GPC5: variants seen among roughly 807,000 people sequenced by gnomAD.
GPC5 encodes the protein glypican-5.
GPC5 carries 47 observed loss-of-function variants against 53.9 expected under a neutral mutation model. The ratio of observed to expected loss-of-function variants is 0.87; its 90% confidence interval spans 0.69 to 1.11. GPC5 has a LOEUF of 1.11. Among genes scored for constraint, GPC5 ranks in the 50% most tolerant of loss-of-function variants. The pLI is 0.00. For missense variants in GPC5, 748 were observed against 713.1 expected (o/e 1.05, Z -0.56); for synonymous variants, 286 against 263.3 (o/e 1.09, Z -0.84).
intron 4 of GPC5, among the ~76,000 whole-genome samples, chr13:91,735,252 AT>A (rs1257337368): frequency 6.6e-6 from 1 of 151,166 alleles, no homozygotes; most frequent in African/African-American, 2.5e-5. Context: ...CATAGGGAAT[AT>A]ATCTGTATAT....
At chr13:91,972,169 A>G (rs530537754) in intron 6 of GPC5, among the ~76,000 whole-genome samples, 4 of 152,256 alleles carry the variant, frequency 2.6e-5, no homozygotes, top group African/African-American at 9.6e-5. Context: ...GTGCATATAT[A>G]TTTAGGATAG....
intron 5 of GPC5, among the ~76,000 whole-genome samples, chr13:91,844,246 A>C (rs1056901338): frequency 6.6e-6 from 1 of 152,200 alleles, no homozygotes; most frequent in Admixed American, 6.5e-5. Context: ...AAATTACATA[A>C]AGTCGAAGAA....
intron 2 of GPC5, among the ~76,000 whole-genome samples, chr13:91,652,454 C>T (rs1328393193): frequency 6.6e-6 from 1 of 152,076 alleles, no homozygotes; most frequent in African/African-American, 2.4e-5. Context: ...CATTACTACT[C>T]TTTCACTTTG....
chr13:91,594,982 TTACATTTATTTA>T (rs1353957407), intron 2 of GPC5, among the ~76,000 whole-genome samples: 2 of 148,128 alleles, frequency 1.4e-5, no homozygotes, highest in Non-Finnish European at 3.0e-5. Flanking sequence ...ATTTTTTTAT[TTACATTTATTTA>T]TTTATTTATT....
At chr13:92,358,290 C>A (rs2043538947) in intron 7 of GPC5, among the ~76,000 whole-genome samples, 1 of 151,596 alleles carries the variant, frequency 6.6e-6, no homozygotes, top group African/African-American at 2.4e-5. Context: ...GGGGTGGGCT[C>A]CCAAGTTTTT....
chr13:91,597,185 C>T (rs1470187132), intron 2 of GPC5, among the ~76,000 whole-genome samples: 2 of 152,112 alleles, frequency 1.3e-5, no homozygotes, highest in Non-Finnish European at 2.9e-5. Context: ...CATTGGTTCC[C>T]ATATTTTGTT....
chr13:92,056,244 T>A (rs944872345), intron 6 of GPC5, among the ~76,000 whole-genome samples: 8 of 152,156 alleles, frequency 5.3e-5, no homozygotes, highest in Non-Finnish European at 1.5e-5. Context: ...CCTGACCTCA[T>A]CATTCAGAAC....
chr13:91,539,452 G>C lies in GPC5; in HGVS notation c.325+90530G>C, dbSNP rs560678334. 3.9e-5 allele frequency among the ~76,000 whole-genome samples: 6 copies of C among 152,268 alleles called. No individual in the cohort carries two copies. In the South Asian group the frequency reaches 1.2e-3, roughly 32 times the overall value. ...TCTTTCCCAGGCAGGCTGCCTCCAA[G>C]TGGGAGCAAAGTACCTCAGTAGCTG... On this transcript the variant is annotated intron_variant, in intron 2 of 7. Transcript: ENST00000377067.
intron 6 of GPC5, among the ~76,000 whole-genome samples, chr13:91,921,787 A>AAAG (rs1566343522): frequency 1.4e-5 from 2 of 145,510 alleles, no homozygotes; most frequent in Admixed American, 6.9e-5. Flanking sequence ...TTAAAAAAAA[A>AAAG]AAAGAAAGAA....
intron 3 of GPC5, among the ~76,000 whole-genome samples, chr13:91,713,998 T>C (rs114832280): frequency 2.0e-5 from 3 of 152,140 alleles, no homozygotes; most frequent in South Asian, 2.1e-4. Flanking sequence ...AGAATAACCA[T>C]TGAATCTCAG....
At chr13:92,837,702 A>G (rs1878264899) in intron 7 of GPC5, among the ~76,000 whole-genome samples, 1 of 152,150 alleles carries the variant, frequency 6.6e-6, no homozygotes, top group Admixed American at 6.5e-5. Flanking sequence ...CAGAGTATAA[A>G]ACTACCGGTA....
At chr13:91,771,909 A>G (rs1187882373) in intron 5 of GPC5, among the ~76,000 whole-genome samples, 2 of 152,206 alleles carry the variant, frequency 1.3e-5, no homozygotes, top group African/African-American at 2.4e-5. Context: ...AATCTGTTCA[A>G]TAGTTCTTCA....
chr13:92,204,823 G>A (rs945866306), intron 7 of GPC5, among the ~76,000 whole-genome samples: 2 of 152,158 alleles, frequency 1.3e-5, no homozygotes, highest in African/African-American at 4.8e-5. Context: ...GTCAATCCAG[G>A]AAGCTCATAG....
In GPC5 at chr13:91,401,586, G is replaced by A. The variant is rs139150832; in HGVS notation, c.163+2377G>A. On this transcript the variant is annotated intron_variant, in intron 1 of 7. Transcript: ENST00000377067. Reference sequence around the variant, plus strand: ...ATTTAATTTGATTTTGTTTTTGGAAGTACGTATTTTTACTGCTTTCTTGCA... The same window carrying A: ...ATTTAATTTGATTTTGTTTTTGGAAATACGTATTTTTACTGCTTTCTTGCA... 4.5e-3 allele frequency among the ~76,000 whole-genome samples: 691 copies of A among 152,254 alleles called. 8 individuals carry two copies. Among genetic ancestry groups the A allele is most frequent in the African/African-American group, 0.016 (661 of 41,564 alleles).
intron 2 of GPC5, among the ~76,000 whole-genome samples, chr13:91,648,579 G>C (rs535007555): frequency 2.0e-5 from 3 of 151,928 alleles, no homozygotes; most frequent in African/African-American, 7.3e-5. Context: ...AAAGTAGAAA[G>C]TATAGGCTCA....
chr13:92,793,041 G>A (rs994858353), intron 7 of GPC5, among the ~76,000 whole-genome samples: 12 of 152,028 alleles, frequency 7.9e-5, no homozygotes, highest in African/African-American at 2.9e-4. Context: ...TGACCTAATA[G>A]ACATCTACAG....
intron 7 of GPC5, among the ~76,000 whole-genome samples, chr13:92,828,594 T>A (rs1038953600): frequency 1.3e-5 from 2 of 152,126 alleles, no homozygotes; most frequent in Admixed American, 1.3e-4. Flanking sequence ...CTGAAGATCA[T>A]TGAATGCCAC....
intron 7 of GPC5, among the ~76,000 whole-genome samples, chr13:92,682,827 A>C (rs1030128421): frequency 2.0e-5 from 3 of 152,206 alleles, no homozygotes; most frequent in African/African-American, 7.2e-5. Context: ...ATTATACATG[A>C]AATATAAACT....
intron 1 of GPC5, among the ~76,000 whole-genome samples, chr13:91,435,236 G>A (rs1879835784): frequency 6.6e-6 from 1 of 152,152 alleles, no homozygotes; most frequent in African/African-American, 2.4e-5. Context: ...TGATAGGCGT[G>A]GTGAGAGAGG....
Sources: allele counts gnomAD v4.1 joint callset (sites outside exome capture counted in the v4.1 genomes callset), GRCh38; gene constraint gnomAD v4.1.1; transcripts MANE v1.5; gene names NCBI Gene and HGNC (gene_info 2026-07-23, HGNC 2026-07-21).